Variants in ZFHX4 observed in about 807,000 individuals in gnomAD.
The protein encoded by ZFHX4 is zinc finger homeobox protein 4.
Under a neutral mutation model 267.6 loss-of-function variants are expected in ZFHX4, and 56 were observed. That is an observed-to-expected ratio of 0.21 (90% confidence interval 0.17 to 0.26). ZFHX4 has a LOEUF of 0.26. Ranked by LOEUF, ZFHX4 falls within the 10% of genes least tolerant of loss-of-function variation. ZFHX4 has a pLI of 1.00. For missense variants in ZFHX4, 4,332 were observed against 4,420.0 expected (o/e 0.98, Z 0.56); for synonymous variants, 1,778 against 1,665.6 (o/e 1.07, Z -1.64).
intron 4 of ZFHX4, among the ~76,000 whole-genome samples, chr8:76,795,259 A>G (rs1810946286): frequency 6.6e-6 from 1 of 152,078 alleles, no homozygotes; most frequent in African/African-American, 2.4e-5. Context: ...AATAATAGCC[A>G]TATTAATTTT....
chr8:76,852,422 T>A lies in ZFHX4; in HGVS notation c.5501T>A (p.Leu1834Ter). ...QQQQQQASKL[L>*]KQEQSNIVSA... ...CAGCAACAGCAGGCAAGCAAATTAT[T>A]GAAACAAGAGCAAAGTAACATAGTG... is the stretch of plus-strand genomic sequence containing the variant. Residue 1834 changes from leucine (L) to a stop codon, truncating the protein, a stop_gained, in exon 10 of 11, where the codon TTG becomes TAG. Coordinates refer to ENST00000651372, the MANE Select transcript of ZFHX4 (RefSeq NM_024721.5). LOFTEE classifies it high-confidence loss of function. 6.4e-7 allele frequency: 1 copy of A among 1,557,634 alleles called. No homozygotes were observed. Among genetic ancestry groups the A allele is most frequent in the Non-Finnish European group, 8.7e-7 (1 of 1,150,288 alleles).
intron 3 of ZFHX4, among the ~76,000 whole-genome samples, chr8:76,759,459 G>A (rs186930453): frequency 6.6e-6 from 1 of 152,284 alleles, no homozygotes. Flanking sequence ...TCATGCTAGT[G>A]AGGTCTTGGT....
At chr8:76,823,236 C>G (rs1811701431) in intron 4 of ZFHX4, among the ~76,000 whole-genome samples, 1 of 151,868 alleles carries the variant, frequency 6.6e-6, no homozygotes, top group African/African-American at 2.4e-5. Flanking sequence ...TTAAAACCCC[C>G]CATGCTGCCA....
At chr8:76,727,014 C>T (rs1808871042) in intron 3 of ZFHX4, among the ~76,000 whole-genome samples, 2 of 152,168 alleles carry the variant, frequency 1.3e-5, no homozygotes, top group Non-Finnish European at 2.9e-5. Flanking sequence ...GGAGTGCCTA[C>T]TGCATAATTT....
Position 76,863,532 on chromosome 8 carries a change from A to G in ZFHX4, c.9818A>G (p.Tyr3273Cys). ...LPYFIPGFAS[Y>C]FTPQLPGTVQ... ...TACTTTATCCCTGGGTTTGCTTCTTATTTTACACCTCAGCTCCCTGGAACA... is the reference window on the plus strand; with the variant it reads ...TACTTTATCCCTGGGTTTGCTTCTTGTTTTACACCTCAGCTCCCTGGAACA... The change falls in exon 11 of 11, where the codon TAT becomes TGT. Residue 3273 changes from tyrosine to cysteine, a missense_variant. By Grantham distance (194) the Tyr-to-Cys change is radical. Transcript: ENST00000651372. The G allele has an allele frequency of 1.2e-6, 2 of 1,613,402 alleles. No individual in the cohort carries two copies. The highest frequency in any genetic ancestry group is 1.7e-4 in the Middle Eastern group (1 of 6,056).
chr8:76,701,362 T>G (rs1459137872), intron 1 of ZFHX4, among the ~76,000 whole-genome samples: 1 of 152,140 alleles, frequency 6.6e-6, no homozygotes, highest in African/African-American at 2.4e-5. Flanking sequence ...AAGAAATTGA[T>G]TGGCAATTTT....
intron 3 of ZFHX4, among the ~76,000 whole-genome samples, chr8:76,738,563 A>G (rs944495901): frequency 6.6e-6 from 1 of 152,082 alleles, no homozygotes; most frequent in Non-Finnish European, 1.5e-5. Context: ...AGCCAAAGGA[A>G]TCAGTGGAAC....
chr8:76,774,386 CA>C (rs1416704312), intron 3 of ZFHX4, among the ~76,000 whole-genome samples: 3 of 152,142 alleles, frequency 2.0e-5, no homozygotes, highest in Non-Finnish European at 4.4e-5. Flanking sequence ...TTCTTAAATT[CA>C]AAGACTCATT....
intron 3 of ZFHX4, among the ~76,000 whole-genome samples, chr8:76,738,697 CCTTTCTCTCTCT>C: frequency 7.2e-6 from 1 of 139,250 alleles, no homozygotes; most frequent in Non-Finnish European, 1.5e-5. Context: ...CTCCTCCCTC[CCTTTCTCTCTCT>C]CTTTCTCTCT....
At position 76,846,745 on chromosome 8, in the gene ZFHX4, A is replaced by G. The variant is rs1004211977; in HGVS notation, c.3512-2250A>G. Reference sequence around the variant, plus strand: ...TTTTGATCCCTGACAGTCTCAATATAAGAATAAAATACACATTATATATGC... The same window carrying G: ...TTTTGATCCCTGACAGTCTCAATATGAGAATAAAATACACATTATATATGC... On this transcript the variant is annotated intron_variant, in intron 6 of 10. Transcript: ENST00000651372. Among the ~76,000 whole-genome samples, 3 of 152,256 alleles carry G rather than the reference A, an allele frequency of 2.0e-5. No individual in the cohort carries two copies. The East Asian group carries it at 5.8e-4, about 29-fold the overall frequency.
At chr8:76,768,660 C>T (rs2131744677) in intron 3 of ZFHX4, among the ~76,000 whole-genome samples, 1 of 152,166 alleles carries the variant, frequency 6.6e-6, no homozygotes. Flanking sequence ...GGATGATGAA[C>T]TCATTATAGA....
chr8:76,693,343 C>G (rs984216094), intron 1 of ZFHX4: 1 of 152,186 alleles, frequency 6.6e-6, no homozygotes, highest in Non-Finnish European at 1.5e-5. Context: ...GGAACACTAT[C>G]TTACAGAGAA....
intron 10 of ZFHX4, among the ~76,000 whole-genome samples, chr8:76,859,433 C>G (rs561713434): frequency 6.6e-6 from 1 of 151,970 alleles, no homozygotes; most frequent in Middle Eastern, 3.2e-3. Flanking sequence ...AGAATATCAA[C>G]GTATGTTTAT....
intron 4 of ZFHX4, among the ~76,000 whole-genome samples, chr8:76,799,742 A>T (rs1811070377): frequency 6.6e-6 from 1 of 152,068 alleles, no homozygotes; most frequent in Admixed American, 6.6e-5. Context: ...TTAATGAAGC[A>T]TTGATTATTT....
chr8:76,849,751 T>C, intron 8 of ZFHX4, 39 bp downstream of exon 8: 1 of 1,553,948 alleles, frequency 6.4e-7, no homozygotes, highest in Non-Finnish European at 8.9e-7. Context: ...TGACATAATC[T>C]GTGTCAGGAA....
chr8:76,832,013 A>G (rs1811948313), intron 4 of ZFHX4, among the ~76,000 whole-genome samples: 1 of 144,612 alleles, frequency 6.9e-6, no homozygotes, highest in Non-Finnish European at 1.5e-5. Context: ...GGGGGGGGGC[A>G]CTGAGTGTTT....
At chr8:76,856,496 TAA>T in intron 10 of ZFHX4, 196 bp downstream of exon 10, 2 of 653,134 alleles carry the variant, frequency 3.1e-6, no homozygotes. Context: ...CACAGAAAAA[TAA>T]AGACTAGGTA....
intron 4 of ZFHX4, among the ~76,000 whole-genome samples, chr8:76,831,971 C>G (rs1189906675): frequency 2.1e-5 from 3 of 142,952 alleles, no homozygotes. Context: ...TTTTTTCTTT[C>G]ATGATGAATT....
In ZFHX4 at chr8:76,704,579, C is replaced by T. The variant is rs760459528; in HGVS notation, c.491C>T (p.Ala164Val). 5 of 1,613,784 alleles carry T rather than the reference C, an allele frequency of 3.1e-6. No homozygotes were observed. The highest frequency in any genetic ancestry group is 3.3e-5 in the Admixed American group (2 of 59,992). Residue 164 changes from alanine to valine, a missense_variant, in exon 2 of 11, where the codon GCG (alanine) becomes GTG (valine). By Grantham distance (64) the Ala-to-Val change is moderately conservative. Around this residue, in one of 7 missense-constraint regions of ZFHX4, gnomAD observed 1,195 missense variants for 1,173.6 expected, o/e 1.02. Transcript: ENST00000651372. ...TGANSKLFST[A>V]MFLDSLASAG... ...GCAAATAGCAAACTCTTTTCTACAG[C>T]GATGTTCCTGGACTCCCTGGCATCT...
Sources: gnomAD v4.1 joint callset for allele counts (sites outside exome capture counted in the v4.1 genomes callset) on GRCh38, gnomAD v4.1.1 for gene constraint, gnomAD v4.1.1 regional missense constraint, MANE v1.5 for transcripts, NCBI Gene and HGNC (gene_info 2026-07-23, HGNC 2026-07-21) for gene names.